Variants in TMSB10 observed in about 807,000 individuals in gnomAD.
The protein encoded by TMSB10 is thymosin beta-10.
A neutral mutation model predicts 4.5 loss-of-function variants in TMSB10; 4 were observed. The ratio of observed to expected loss-of-function variants is 0.89; its 90% CI spans 0.44 to 2.03. TMSB10 has a LOEUF of 2.03. Among genes scored for constraint, TMSB10 ranks in the 30% most tolerant of loss-of-function variants. The pLI is 0.03. For missense variants in TMSB10, 44 were observed against 53.9 expected (o/e 0.82, Z 0.57); for synonymous variants, 17 against 20.3 (o/e 0.84, Z 0.44).
At position 84,906,324 on chromosome 2, in the gene TMSB10, G is replaced by C; in HGVS notation, c.101-65G>C. 1 of 1,541,426 alleles carries C rather than the reference G, an allele frequency of 6.5e-7. No homozygotes were observed. ...CTCGTGGGTGCCTCGCCCACACCGG[G>C]AAGCACCTCGGTTGCGGGTGGGGGT... On this transcript the variant is annotated intron_variant, in intron 2 of 2. Coordinates refer to ENST00000233143, the MANE Select transcript of TMSB10 (RefSeq NM_021103.4).
chr2:84,906,485 G>A lies in TMSB10; in HGVS notation c.*62G>A. On this transcript the variant is annotated 3_prime_UTR_variant, in exon 3 of 3. Transcript: ENST00000233143. ...ACCCCAGTCGTGATGTGGAGGAAGA[G>A]CCACCTGCAAGATGGACACGAGCCA... 1 of 1,529,328 alleles carries A rather than the reference G, an allele frequency of 6.5e-7. No homozygotes were observed. Among genetic ancestry groups the A allele is most frequent in the East Asian group, 2.4e-5 (1 of 41,584 alleles). The allele number at this position is 1,529,328 out of a possible 1,614,324, so 94.7% of individuals were successfully genotyped here.
intron 1 of TMSB10, 89 bp from the exon 2 acceptor site, chr2:84,905,914 C>T (rs1573973379): frequency 2.7e-6 from 3 of 1,096,154 alleles, no homozygotes; most frequent in East Asian, 2.5e-5. Context: ...CGCCTTGGCG[C>T]GAGTGCCACG....
intron 2 of TMSB10, 85 bp downstream of exon 2, chr2:84,906,202 G>A (rs1683689963): frequency 6.8e-7 from 1 of 1,468,032 alleles, no homozygotes; most frequent in Admixed American, 2.1e-5. Context: ...CCCCCACCCC[G>A]CCGTTGTCCC....
chr2:84,905,830 C>T (rs376649718), intron 1 of TMSB10, 112 bp downstream of exon 1: 2 of 474,064 alleles, frequency 4.2e-6, no homozygotes, highest in Non-Finnish European at 7.4e-6. Flanking sequence ...ACGCAGGGGC[C>T]GGCGACCACG....
At chr2:84,906,259 G>T (rs1055822413) in intron 2 of TMSB10, 130 bp from the exon 3 acceptor site, 68 of 1,442,800 alleles carry the variant, frequency 4.7e-5, no homozygotes, top group Non-Finnish European at 6.3e-5. Context: ...AAAGCGCCTT[G>T]TTTCTCCCCA....
At chr2:84,905,755 T>A (rs1450005829) in intron 1 of TMSB10, 37 bp downstream of exon 1, 5 of 339,498 alleles carry the variant, frequency 1.5e-5, no homozygotes, top group Non-Finnish European at 2.7e-5. Context: ...CCACCCAGGG[T>A]GTGGTCGGAT....
intron 2 of TMSB10, 48 bp from the exon 3 acceptor site, chr2:84,906,341 G>C (rs928426052): frequency 2.6e-6 from 4 of 1,565,306 alleles, no homozygotes; most frequent in Non-Finnish European, 3.5e-6. Context: ...CTCGGTTGCG[G>C]GTGGGGGTTG....
intron 2 of TMSB10, 73 bp downstream of exon 2, chr2:84,906,190 AC>A: frequency 5.6e-6 from 8 of 1,435,772 alleles, no homozygotes; most frequent in Admixed American, 2.1e-5. Flanking sequence ...CCACTCCTCC[AC>A]CCCCCACCCC....
chr2:84,906,470 T>C lies in TMSB10; in HGVS notation c.*47T>C. 6.3e-7 allele frequency: 1 copy of C among 1,576,500 alleles called. No homozygotes were observed. The highest frequency in any genetic ancestry group is 8.6e-7 in the Non-Finnish European group (1 of 1,163,692). On this transcript the variant is annotated 3_prime_UTR_variant, in exon 3 of 3. Coordinates refer to ENST00000233143, the MANE Select transcript of TMSB10 (RefSeq NM_021103.4). The stretch of plus-strand genomic sequence containing the variant: ...CCCGTCCTCTTCGAGACCCCAGTCG[T>C]GATGTGGAGGAAGAGCCACCTGCAA...
Position 84,906,039 on chromosome 2 carries a change from G to A in TMSB10, c.22G>A (p.Gly8Arg). Reference sequence around the variant, plus strand: ...GAAAATGGCAGACAAACCAGACATGGGGGAAATCGCCAGCTTCGATAAGGC... The same window carrying A: ...GAAAATGGCAGACAAACCAGACATGAGGGAAATCGCCAGCTTCGATAAGGC... MADKPDMGEIASFDKAKL... is the reference protein window; with the variant it reads MADKPDMREIASFDKAKL... Residue 8 changes from glycine to arginine, a missense_variant, in exon 2 of 3, where the codon GGG becomes AGG. Gly to Arg is a moderately radical substitution (Grantham distance 125). Transcript: ENST00000233143. 1.9e-6 allele frequency: 3 copies of A among 1,614,084 alleles called. No individual in the cohort carries two copies. The highest frequency in any genetic ancestry group is 1.1e-5 in the South Asian group (1 of 91,072).
intron 2 of TMSB10, 22 bp from the exon 3 acceptor site, chr2:84,906,367 G>C: frequency 6.3e-7 from 1 of 1,590,098 alleles, no homozygotes; most frequent in Non-Finnish European, 8.6e-7. Flanking sequence ...CCCCTCCAGC[G>C]CCCGCTTCCC....
rs562400187 is a variant in TMSB10, at chr2:84,906,254, G to C, written c.101-135G>C. 3.5e-6 allele frequency: 5 copies of C among 1,430,458 alleles called. No homozygotes were observed. The African/African-American group carries it at 5.7e-5, about 16-fold the overall frequency. 88.6% of individuals were successfully genotyped at this position (1,430,458 alleles called of 1,614,324 possible). A position where few individuals can be genotyped will look rare whatever the true frequency, so the allele number is the denominator to read the frequency against. On this transcript the variant is annotated intron_variant, in intron 2 of 2. Transcript: ENST00000233143. The stretch of plus-strand genomic sequence containing the variant: ...GGCCACTCTTTCAGTTTCACAAAGC[G>C]CCTTGTTTCTCCCCAGCCCCAAGCT...
rs1683700308 is a variant in TMSB10 at position 84,906,581 on chromosome 2, C to CG, written c.*158_*159insG. On this transcript the variant is annotated 3_prime_UTR_variant, in exon 3 of 3. Transcript: ENST00000233143. The stretch of plus-strand genomic sequence containing the variant: ...CTGTGGGTCTCTGAAGGGACCCCCC[C>CG]CCAATCGGACTGCCAAATTCTCCGG... 1 of 637,148 alleles carries CG rather than the reference C, an allele frequency of 1.6e-6. No individual in the cohort carries two copies. The highest frequency in any genetic ancestry group is 1.9e-5 in the African/African-American group (1 of 52,644). The allele number at this position is 637,148 out of a possible 1,614,324, so 39.5% of individuals were successfully genotyped here.
In TMSB10 at chr2:84,906,031, C is replaced by T. The variant is rs1683686276; in HGVS notation, c.14C>T (p.Pro5Leu). ...TGTTTTAAGAAAATGGCAGACAAAC[C>T]AGACATGGGGGAAATCGCCAGCTTC... The part of the protein sequence containing the change: MADK[P>L]DMGEIASFDK... The change falls in exon 2 of 3, where the codon CCA becomes CTA. Residue 5 changes from proline (P) to leucine (L), a missense_variant. Coordinates refer to ENST00000233143, the MANE Select transcript of TMSB10 (RefSeq NM_021103.4). The T allele has an allele frequency of 6.2e-7, 1 of 1,613,906 alleles. No homozygotes were observed. Among genetic ancestry groups the T allele is most frequent in the African/African-American group, 1.3e-5 (1 of 74,912 alleles).
chr2:84,906,374 T>C lies in TMSB10; in HGVS notation c.101-15T>C, dbSNP rs750811700. The C allele has an allele frequency of 1.9e-6, 3 of 1,595,890 alleles. No homozygotes were observed. The highest frequency in any genetic ancestry group is 1.7e-5 in the Admixed American group (1 of 58,574). On this transcript the variant is annotated splice_polypyrimidine_tract_variant and intron_variant, in intron 2 of 2. Transcript: ENST00000233143. ...TTGCAGCTCCCCTCCAGCGCCCGCTTCCCGCTCTCCACAGCCATTGAGCAG... is the reference window on the plus strand; with the variant it reads ...TTGCAGCTCCCCTCCAGCGCCCGCTCCCCGCTCTCCACAGCCATTGAGCAG...
At chr2:84,905,778 G>A (rs1034049799) in intron 1 of TMSB10, 60 bp downstream of exon 1, 24 of 386,138 alleles carry the variant, frequency 6.2e-5, no homozygotes, top group Admixed American at 3.5e-4. Context: ...GGTGCACCGG[G>A]CGGGCGCGCC....
Position 84,906,492 on chromosome 2 carries a change from G to T in TMSB10, c.*69G>T. 1.3e-6 allele frequency: 2 copies of T among 1,508,030 alleles called. No homozygotes were observed. Among genetic ancestry groups the T allele is most frequent in the Non-Finnish European group, 1.8e-6 (2 of 1,124,600 alleles). 93.4% of individuals were successfully genotyped at this position (1,508,030 alleles called of 1,614,324 possible). A position where few individuals can be genotyped will look rare whatever the true frequency, so the allele number is the denominator to read the frequency against. Reference sequence around the variant, plus strand: ...TCGTGATGTGGAGGAAGAGCCACCTGCAAGATGGACACGAGCCACAAGCTG... The same window carrying T: ...TCGTGATGTGGAGGAAGAGCCACCTTCAAGATGGACACGAGCCACAAGCTG... On this transcript the variant is annotated 3_prime_UTR_variant, in exon 3 of 3. Transcript: ENST00000233143.
At position 84,906,314 on chromosome 2, in the gene TMSB10, C is replaced by G. The variant is rs1683692710; in HGVS notation, c.101-75C>G. 4.6e-6 allele frequency: 7 copies of G among 1,525,140 alleles called. No individual in the cohort carries two copies. The South Asian group carries it at 8.5e-5, about 18-fold the overall frequency. The allele number at this position is 1,525,140 out of a possible 1,614,324, so 94.5% of individuals were successfully genotyped here. ...ATCCCCACACCTCGTGGGTGCCTCGCCCACACCGGGAAGCACCTCGGTTGC... is the reference window on the plus strand; with the variant it reads ...ATCCCCACACCTCGTGGGTGCCTCGGCCACACCGGGAAGCACCTCGGTTGC... On this transcript the variant is annotated intron_variant, in intron 2 of 2. Transcript: ENST00000233143.
chr2:84,905,997 C>G lies in TMSB10; in HGVS notation c.-15-6C>G. 6.2e-7 allele frequency: 1 copy of G among 1,611,950 alleles called. No homozygotes were observed. The highest frequency in any genetic ancestry group is 8.5e-7 in the Non-Finnish European group (1 of 1,178,860). ...CCCAGGTCAAGCGCCTTGGTTTGCCCACTAGGATTGTTTTAAGAAAATGGC... is the reference window on the plus strand; with the variant it reads ...CCCAGGTCAAGCGCCTTGGTTTGCCGACTAGGATTGTTTTAAGAAAATGGC... On this transcript the variant is annotated splice_polypyrimidine_tract_variant and splice_region_variant and intron_variant, in intron 1 of 2. Coordinates refer to ENST00000233143, the MANE Select transcript of TMSB10 (RefSeq NM_021103.4).
Sources: allele counts gnomAD v4.1 joint callset, GRCh38; gene constraint gnomAD v4.1.1; transcripts MANE v1.5; gene names NCBI Gene and HGNC (gene_info 2026-07-23, HGNC 2026-07-21).